The following ZMAT5 variants were observed in gnomAD, a reference collection of about 807,000 sequenced individuals.
The protein encoded by ZMAT5 is zinc finger matrin-type 5, also known as zinc finger matrin-type protein 5.
In ZMAT5, 23 loss-of-function variants were observed where a neutral mutation model predicts 28.0. That is an observed-to-expected ratio of 0.82 (90% CI 0.59 to 1.16). ZMAT5 has a LOEUF of 1.16. ZMAT5 is among the 50% of genes most tolerant of loss of function. The pLI is 0.00. For synonymous variants in ZMAT5, 76 were observed against 84.1 expected (o/e 0.90, Z 0.52); for missense variants, 173 against 212.7 (o/e 0.81, Z 1.16).
At chr22:29,749,752 GT>G (rs1341432314) in intron 1 of ZMAT5, among the ~76,000 whole-genome samples, 4 of 152,060 alleles carry the variant, frequency 2.6e-5, no homozygotes, top group African/African-American at 9.7e-5. Flanking sequence ...CATGGGGGTG[GT>G]TTCCCCCATG....
At chr22:29,749,009 A>T (rs2068034236) in intron 1 of ZMAT5, among the ~76,000 whole-genome samples, 1 of 151,820 alleles carries the variant, frequency 6.6e-6, no homozygotes, top group South Asian at 2.1e-4. Context: ...CTATCAGGTG[A>T]TTCTAACATG....
At chr22:29,748,688 C>T (rs1376379434) in intron 1 of ZMAT5, 117 bp from the exon 2 acceptor site, 1 of 1,320,954 alleles carries the variant, frequency 7.6e-7, no homozygotes, top group Admixed American at 2.2e-5. Flanking sequence ...ATGCACCCCG[C>T]CCCATTAGGA....
chr22:29,759,999 G>A (rs1429740917), intron 1 of ZMAT5, among the ~76,000 whole-genome samples: 1 of 151,868 alleles, frequency 6.6e-6, no homozygotes, highest in Middle Eastern at 3.4e-3. Context: ...TCAGGAGTTT[G>A]AGACCACCCT....
intron 5 of ZMAT5, among the ~76,000 whole-genome samples, chr22:29,736,896 G>A (rs908219351): frequency 6.6e-5 from 10 of 151,694 alleles, no homozygotes; most frequent in African/African-American, 1.2e-4. Flanking sequence ...GCGTGGTGGC[G>A]GGTGCCTGTA....
At chr22:29,763,505 G>C (rs945616840) in intron 1 of ZMAT5, among the ~76,000 whole-genome samples, 1 of 151,478 alleles carries the variant, frequency 6.6e-6, no homozygotes, top group African/African-American at 2.4e-5. Context: ...AGGAGGCTGA[G>C]GCAGGAGAAT....
rs369744591 is a variant in ZMAT5, at chr22:29,738,394, C to T, written c.319G>A (p.Glu107Lys). The T allele has an allele frequency of 3.8e-5, 61 of 1,610,564 alleles. No individual in the cohort carries two copies. In the Middle Eastern group the frequency reaches 1.2e-3, roughly 30 times the overall value. The change falls in exon 5 of 6, where the codon GAG (glutamate) becomes AAG (lysine). Residue 107 changes from glutamate (E) to lysine (K), a missense_variant. Transcript: ENST00000344318. Reference sequence around the variant, plus strand: ...TCCAGCCAGTCCTCCAGATGGCCCTCGGGGAGCTCAGGAGCATCTAGTAGC... The same window carrying T: ...TCCAGCCAGTCCTCCAGATGGCCCTTGGGGAGCTCAGGAGCATCTAGTAGC... Reference protein sequence around the residue: ...EWLLDAPELPEGHLEDWLEKR... With the variant: ...EWLLDAPELPKGHLEDWLEKR...
chr22:29,759,322 T>TA (rs1327539966), intron 1 of ZMAT5, among the ~76,000 whole-genome samples: 1 of 152,176 alleles, frequency 6.6e-6, no homozygotes, highest in African/African-American at 2.4e-5. Context: ...CCACTGTCAC[T>TA]ACTGCCCAAG....
chr22:29,738,155 G>A (rs2067924704), intron 5 of ZMAT5, among the ~76,000 whole-genome samples, 175 bp downstream of exon 5: 1 of 152,120 alleles, frequency 6.6e-6, no homozygotes, highest in Non-Finnish European at 1.5e-5. Flanking sequence ...ACACCCCTCA[G>A]CCTCTGGCCA....
intron 1 of ZMAT5, among the ~76,000 whole-genome samples, chr22:29,759,575 G>A (rs1234426207): frequency 6.6e-6 from 1 of 152,018 alleles, no homozygotes; most frequent in African/African-American, 2.4e-5. Flanking sequence ...TACCAGCCTG[G>A]GCAACATAGT....
intron 3 of ZMAT5, among the ~76,000 whole-genome samples, chr22:29,742,192 G>C (rs1222040545): frequency 6.6e-6 from 1 of 152,174 alleles, no homozygotes; most frequent in Non-Finnish European, 1.5e-5. Context: ...TGTTCTAGGT[G>C]AGCTGATATA....
intron 4 of ZMAT5, 23 bp from the exon 5 acceptor site, chr22:29,738,464 G>A (rs1208718560): frequency 1.3e-6 from 2 of 1,598,592 alleles, no homozygotes; most frequent in South Asian, 2.2e-5. Context: ...GGAGACAAAG[G>A]CAAGTGAGGG....
intron 1 of ZMAT5, among the ~76,000 whole-genome samples, chr22:29,757,098 C>G (rs1309892139): frequency 6.6e-6 from 1 of 151,688 alleles, no homozygotes; most frequent in African/African-American, 2.4e-5. Context: ...CACCTGTTGT[C>G]CCAGCTGCTT....
intron 1 of ZMAT5, among the ~76,000 whole-genome samples, chr22:29,753,968 G>A (rs1356177952): frequency 1.3e-5 from 2 of 152,082 alleles, no homozygotes; most frequent in Non-Finnish European, 2.9e-5. Context: ...CTGGACACAT[G>A]CAGCGCCCTG....
intron 1 of ZMAT5, among the ~76,000 whole-genome samples, chr22:29,757,258 CAGAA>C (rs959883188): frequency 8.4e-6 from 1 of 118,910 alleles, no homozygotes; most frequent in Non-Finnish European, 1.9e-5. Flanking sequence ...AAAAAAAAAA[CAGAA>C]AGAAATGCTA....
intron 5 of ZMAT5, among the ~76,000 whole-genome samples, chr22:29,733,205 A>G (rs533461377): frequency 1.8e-4 from 28 of 152,088 alleles, no homozygotes; most frequent in Admixed American, 7.9e-4. Flanking sequence ...ACACTCCCAC[A>G]CCCCAACATC....
At chr22:29,741,352 G>A (rs2067961171) in intron 3 of ZMAT5, among the ~76,000 whole-genome samples, 1 of 152,198 alleles carries the variant, frequency 6.6e-6, no homozygotes, top group Non-Finnish European at 1.5e-5. Context: ...AGTCTGTAGG[G>A]AAGCCCCTGA....
intron 1 of ZMAT5, among the ~76,000 whole-genome samples, chr22:29,755,499 G>C (rs2068093810): frequency 6.6e-6 from 1 of 152,008 alleles, no homozygotes; most frequent in Non-Finnish European, 1.5e-5. Flanking sequence ...GAGAAAAGAG[G>C]CTGGGGATGG....
chr22:29,748,716 A>G (rs2068031835), intron 1 of ZMAT5, 145 bp from the exon 2 acceptor site: 1 of 1,119,340 alleles, frequency 8.9e-7, no homozygotes, highest in Non-Finnish European at 1.3e-6. Context: ...GCTGATGAGT[A>G]TGGCCTAAGA....
At chr22:29,737,025 CAAA>C (rs1406580047) in intron 5 of ZMAT5, among the ~76,000 whole-genome samples, 4 of 73,930 alleles carry the variant, frequency 5.4e-5, no homozygotes, top group Non-Finnish European at 5.9e-5. Flanking sequence ...GAATCCGTCT[CAAA>C]AAAAAAAAAA....
Sources: allele counts gnomAD v4.1 joint callset (sites outside exome capture counted in the v4.1 genomes callset), GRCh38; gene constraint gnomAD v4.1.1; transcripts MANE v1.5; gene names NCBI Gene and HGNC (gene_info 2026-07-23, HGNC 2026-07-21).